CDH18: variants seen among roughly 807,000 people sequenced by gnomAD.
CDH18 encodes the protein cadherin 18.
Under a neutral mutation model 67.9 loss-of-function variants are expected in CDH18, and 31 were observed. That is an observed-to-expected ratio of 0.46 (90% CI 0.34 to 0.62). CDH18 has a LOEUF of 0.62. CDH18 is among the 20% of genes least tolerant of loss of function. The pLI, the probability that CDH18 is intolerant of heterozygous loss-of-function variation, is 0.01. For missense variants in CDH18, 890 were observed against 975.5 expected (o/e 0.91, Z 1.17); for synonymous variants, 362 against 347.2 (o/e 1.04, Z -0.48).
At chr5:20,468,040 A>T (rs1203303763) in intron 1 of CDH18, among the ~76,000 whole-genome samples, 2 of 138,964 alleles carry the variant, frequency 1.4e-5, no homozygotes, top group African/African-American at 2.7e-5. Context: ...TTTGAGACAG[A>T]GTCTAACTTT....
chr5:20,389,165 C>T (rs947349328), intron 1 of CDH18, among the ~76,000 whole-genome samples: 1 of 152,050 alleles, frequency 6.6e-6, no homozygotes, highest in Admixed American at 6.6e-5. Context: ...TAAAGTCTCC[C>T]ACTATTATTG....
chr5:19,682,660 T>C (rs1280501582), intron 5 of CDH18, among the ~76,000 whole-genome samples: 1 of 152,060 alleles, frequency 6.6e-6, no homozygotes, highest in African/African-American at 2.4e-5. Flanking sequence ...TGTCTTTTGG[T>C]TGTTGTTGGT....
chr5:19,696,231 G>A (rs80122955), intron 5 of CDH18, among the ~76,000 whole-genome samples: 2 of 17,398 alleles, frequency 1.1e-4, no homozygotes, highest in Non-Finnish European at 4.0e-3. Flanking sequence ...ATATATGTGT[G>A]TGTGTGTGTG....
chr5:20,015,147 G>A lies in CDH18; in HGVS notation c.-517-23133C>T, dbSNP rs116084866. Reference sequence around the variant, plus strand: ...TCTGCATGGTAGATTTGCGTGCCATGTTGATTACAAACCTTGGTTCAGAAA... The same window carrying A: ...TCTGCATGGTAGATTTGCGTGCCATATTGATTACAAACCTTGGTTCAGAAA... On this transcript the variant is annotated intron_variant, in intron 2 of 14. Transcript: ENST00000507958. 3.0e-3 allele frequency among the ~76,000 whole-genome samples: 456 copies of A among 152,274 alleles called. 3 individuals carry two copies. The highest frequency in any genetic ancestry group is 0.01 in the African/African-American group (426 of 41,580).
At position 20,250,442 on chromosome 5, in the gene CDH18, G is replaced by A. The variant is rs535065048; in HGVS notation, c.-518+5002C>T. On this transcript the variant is annotated intron_variant, in intron 2 of 14. Coordinates refer to the CDH18 transcript ENST00000507958. The stretch of plus-strand genomic sequence containing the variant: ...TGAGTAGCTGGGACTGCAGGCGCCC[G>A]CCACCACGCCCAGTTAATTTTTGTA... 4.0e-5 allele frequency among the ~76,000 whole-genome samples: 6 copies of A among 151,702 alleles called. No homozygotes were observed. In the South Asian group the frequency reaches 1.0e-3, roughly 26 times the overall value.
intron 1 of CDH18, among the ~76,000 whole-genome samples, chr5:20,348,230 T>C (rs1391291654): frequency 6.6e-6 from 1 of 152,172 alleles, no homozygotes; most frequent in East Asian, 1.9e-4. Flanking sequence ...AAATAAGATT[T>C]CATAGCATGG....
At chr5:20,461,590 T>C (rs1468749765) in intron 1 of CDH18, among the ~76,000 whole-genome samples, 2 of 152,084 alleles carry the variant, frequency 1.3e-5, no homozygotes, top group Non-Finnish European at 2.9e-5. Flanking sequence ...CTCACTGTTC[T>C]TATGCTTATC....
chr5:20,034,066 C>T (rs1739626920), intron 2 of CDH18, among the ~76,000 whole-genome samples: 1 of 151,924 alleles, frequency 6.6e-6, no homozygotes. Flanking sequence ...CAGCTGCATG[C>T]TATCATTTCT....
chr5:19,721,516 G>T (rs1766099190), intron 4 of CDH18, 50 bp from the exon 5 acceptor site: 3 of 1,564,764 alleles, frequency 1.9e-6, no homozygotes, highest in Non-Finnish European at 2.6e-6. Context: ...TTTAGCATAT[G>T]ATTAATTTGA....
chr5:20,277,242 C>T (rs1745878392), intron 1 of CDH18, among the ~76,000 whole-genome samples: 2 of 152,196 alleles, frequency 1.3e-5, no homozygotes, highest in Middle Eastern at 3.4e-3. Flanking sequence ...AGTGCAGTCC[C>T]AGTGGTGATG....
At chr5:20,053,281 T>C (rs544456707) in intron 2 of CDH18, among the ~76,000 whole-genome samples, 2 of 151,252 alleles carry the variant, frequency 1.3e-5, no homozygotes, top group East Asian at 1.9e-4. Context: ...TATAGATATA[T>C]ATATATGATA....
At chr5:19,698,922 T>C (rs1192331860) in intron 5 of CDH18, among the ~76,000 whole-genome samples, 2 of 152,076 alleles carry the variant, frequency 1.3e-5, no homozygotes, top group African/African-American at 4.8e-5. Context: ...GCATAAGTAT[T>C]TCTTAGGATG....
At chr5:19,754,913 C>T (rs1028523905) in intron 3 of CDH18, among the ~76,000 whole-genome samples, 1 of 151,876 alleles carries the variant, frequency 6.6e-6, no homozygotes, top group Non-Finnish European at 1.5e-5. Context: ...CTGAATCAGC[C>T]CTGGGTCAAA....
chr5:19,497,246 A>T lies in CDH18; in HGVS notation c.1630+5746T>A, dbSNP rs1742501245. 2.0e-5 allele frequency among the ~76,000 whole-genome samples: 3 copies of T among 152,216 alleles called. No individual in the cohort carries two copies. In the South Asian group the frequency reaches 6.2e-4, roughly 31 times the overall value. On this transcript the variant is annotated intron_variant, in intron 11 of 12. Coordinates refer to ENST00000382275, the MANE Select transcript of CDH18 (RefSeq NM_004934.5). ...AATGCTAAAGAAAATGTTAAAAATAAAGAATTTCACTAGTGATTTACATGT... is the reference window on the plus strand; with the variant it reads ...AATGCTAAAGAAAATGTTAAAAATATAGAATTTCACTAGTGATTTACATGT...
chr5:20,330,737 A>T (rs936259061), intron 1 of CDH18, among the ~76,000 whole-genome samples: 2 of 152,178 alleles, frequency 1.3e-5, no homozygotes, highest in Admixed American at 1.3e-4. Context: ...GCGAGAAGGG[A>T]TGCAAGACCC....
chr5:19,832,431 T>G (rs1781153157), intron 3 of CDH18, among the ~76,000 whole-genome samples: 1 of 152,138 alleles, frequency 6.6e-6, no homozygotes, highest in Non-Finnish European at 1.5e-5. Context: ...TTATTTTAGG[T>G]CTGTTGACAA....
chr5:20,264,992 T>C (rs780405526), intron 1 of CDH18, among the ~76,000 whole-genome samples: 1 of 152,110 alleles, frequency 6.6e-6, no homozygotes, highest in Non-Finnish European at 1.5e-5. Context: ...GGATACAAAT[T>C]GATAATGATA....
chr5:20,129,280 T>A (rs1749074673), intron 2 of CDH18, among the ~76,000 whole-genome samples: 1 of 152,028 alleles, frequency 6.6e-6, no homozygotes, highest in African/African-American at 2.4e-5. Flanking sequence ...TCTTTATCAA[T>A]TTTTTCAGTT....
intron 2 of CDH18, among the ~76,000 whole-genome samples, chr5:20,211,732 AC>A (rs1162024014): frequency 6.6e-6 from 1 of 152,136 alleles, no homozygotes; most frequent in African/African-American, 2.4e-5. Flanking sequence ...ATCAACATCA[AC>A]AAAAAGGACA....
Sources: allele counts gnomAD v4.1 joint callset (sites outside exome capture counted in the v4.1 genomes callset), GRCh38; gene constraint gnomAD v4.1.1; transcripts MANE v1.5; gene names NCBI Gene and HGNC (gene_info 2026-07-23, HGNC 2026-07-21).